ZNF385D: variants seen among roughly 807,000 people sequenced by gnomAD.
The protein encoded by ZNF385D is zinc finger protein 385D.
In ZNF385D, 15 loss-of-function variants were observed where a neutral mutation model predicts 35.8. The ratio of observed to expected loss-of-function variants is 0.42; its 90% CI spans 0.28 to 0.64. The LOEUF is 0.64. ZNF385D is among the 30% of genes least tolerant of loss of function. The probability of loss-of-function intolerance (pLI) is 0.23; values close to 1 mark genes in which losing one functional copy is unlikely to be tolerated. For missense variants in ZNF385D, 474 were observed against 494.6 expected (o/e 0.96, Z 0.39); for synonymous variants, 212 against 186.8 (o/e 1.13, Z -1.10).
chr3:21,896,728 G>A (rs1303071528), intron 3 of ZNF385D, among the ~76,000 whole-genome samples: 1 of 152,126 alleles, frequency 6.6e-6, no homozygotes, highest in African/African-American at 2.4e-5. Flanking sequence ...GGAGTGTCAG[G>A]GGGTGGGAAG....
chr3:21,922,116 C>T (rs1700495300), intron 3 of ZNF385D, among the ~76,000 whole-genome samples: 1 of 151,686 alleles, frequency 6.6e-6, no homozygotes, highest in South Asian at 2.1e-4. Flanking sequence ...GAATACAAAA[C>T]ACTGCTAAAA....
At chr3:21,951,465 C>T (rs1437627746) in intron 3 of ZNF385D, among the ~76,000 whole-genome samples, 2 of 151,600 alleles carry the variant, frequency 1.3e-5, no homozygotes, top group African/African-American at 4.9e-5. Context: ...ATCGGGTATT[C>T]TAAATAAATA....
At chr3:21,812,081 A>C (rs575832411) in intron 3 of ZNF385D, among the ~76,000 whole-genome samples, 3 of 152,210 alleles carry the variant, frequency 2.0e-5, no homozygotes, top group Non-Finnish European at 4.4e-5. Flanking sequence ...ATTTAAGAGG[A>C]AGTTAAGTGC....
At chr3:21,815,220 C>A (rs957809700) in intron 3 of ZNF385D, among the ~76,000 whole-genome samples, 1 of 152,044 alleles carries the variant, frequency 6.6e-6, no homozygotes, top group Non-Finnish European at 1.5e-5. Flanking sequence ...AAAATGCCCA[C>A]AAGAGAAAGC....
chr3:22,046,870 G>A (rs1389238735), intron 3 of ZNF385D, among the ~76,000 whole-genome samples: 1 of 152,014 alleles, frequency 6.6e-6, no homozygotes, highest in Non-Finnish European at 1.5e-5. Flanking sequence ...TTCATCAACT[G>A]TGAAACAAAG....
chr3:22,005,302 A>T (rs1342039093), intron 3 of ZNF385D, among the ~76,000 whole-genome samples: 2 of 151,948 alleles, frequency 1.3e-5, no homozygotes, highest in African/African-American at 4.8e-5. Context: ...TCTGAAAAGG[A>T]TGTAGATTAA....
chr3:22,215,453 G>A lies in ZNF385D; in HGVS notation c.107-46418C>T, dbSNP rs187987254. 1.4e-3 allele frequency among the ~76,000 whole-genome samples: 214 copies of A among 152,056 alleles called. 1 individual carries two copies. Among genetic ancestry groups the A allele is most frequent in the African/African-American group, 4.8e-3 (199 of 41,510 alleles). Reference sequence around the variant, plus strand: ...AGGCCTCTAAAATGGCTGCTTCAGGGGGCGGCCGTCTTTTATGGTCGAGCT... The same window carrying A: ...AGGCCTCTAAAATGGCTGCTTCAGGAGGCGGCCGTCTTTTATGGTCGAGCT... On this transcript the variant is annotated intron_variant, in intron 2 of 5. Transcript: ENST00000494108.
At chr3:21,614,494 T>C (rs370968652) in intron 2 of ZNF385D, among the ~76,000 whole-genome samples, 4 of 152,230 alleles carry the variant, frequency 2.6e-5, no homozygotes, top group African/African-American at 9.6e-5. Flanking sequence ...GTTCCCTTGA[T>C]TGCAGTCACA....
intron 3 of ZNF385D, among the ~76,000 whole-genome samples, chr3:21,841,499 G>A (rs9836784): frequency 0.21 from 32,519 of 151,862 alleles, 3,656 homozygotes; most frequent in Admixed American, 0.26. Context: ...GTTACAAGTC[G>A]TAAGTTTTGC....
intron 3 of ZNF385D, among the ~76,000 whole-genome samples, chr3:22,050,252 C>T (rs1446575089): frequency 6.6e-6 from 1 of 151,376 alleles, no homozygotes; most frequent in Non-Finnish European, 1.5e-5. Flanking sequence ...GCCCCAGCTA[C>T]TCAGGAGGCT....
chr3:21,688,215 C>T (rs1033826693), intron 1 of ZNF385D, among the ~76,000 whole-genome samples: 3 of 151,982 alleles, frequency 2.0e-5, no homozygotes, highest in Non-Finnish European at 2.9e-5. Flanking sequence ...TGCTTGAAAC[C>T]GCCTTTGTTC....
intron 2 of ZNF385D, among the ~76,000 whole-genome samples, chr3:22,245,174 C>T (rs897985787): frequency 2.6e-5 from 4 of 152,072 alleles, no homozygotes; most frequent in African/African-American, 4.8e-5. Context: ...ATTATTAATT[C>T]CAGCAACATT....
At chr3:21,513,659 T>C (rs529208854) in intron 3 of ZNF385D, among the ~76,000 whole-genome samples, 4 of 152,224 alleles carry the variant, frequency 2.6e-5, no homozygotes, top group African/African-American at 9.6e-5. Context: ...TGATTGTAAT[T>C]GTGCAGGGTA....
intron 2 of ZNF385D, among the ~76,000 whole-genome samples, chr3:22,295,272 T>G (rs1179687188): frequency 6.6e-6 from 1 of 152,148 alleles, no homozygotes; most frequent in Non-Finnish European, 1.5e-5. Flanking sequence ...GGACATAATT[T>G]TTGCACAAAA....
At chr3:22,328,090 G>C (rs1277239380) in intron 2 of ZNF385D, among the ~76,000 whole-genome samples, 1 of 151,858 alleles carries the variant, frequency 6.6e-6, no homozygotes, top group Non-Finnish European at 1.5e-5. Context: ...CTTTTTGTCT[G>C]ATGATTTCTG....
chr3:22,123,986 A>ATATATATATATATATATATATATATATG (rs753742081), intron 3 of ZNF385D, among the ~76,000 whole-genome samples: 2 of 122,372 alleles, frequency 1.6e-5, no homozygotes, highest in African/African-American at 3.1e-5. Flanking sequence ...ATATATATAT[A>ATATATATATATATATATATATATATATG]TATTGCTGAC....
chr3:21,522,608 G>T (rs1472549720), intron 3 of ZNF385D, among the ~76,000 whole-genome samples: 1 of 152,134 alleles, frequency 6.6e-6, no homozygotes, highest in Non-Finnish European at 1.5e-5. Context: ...AAAGTGCTAG[G>T]ATTACAGATG....
intron 3 of ZNF385D, among the ~76,000 whole-genome samples, chr3:21,972,006 T>C (rs1255663022): frequency 5.9e-5 from 9 of 151,922 alleles, no homozygotes; most frequent in African/African-American, 1.7e-4. Flanking sequence ...AACACAATAA[T>C]AGTTGGAGAC....
chr3:21,780,543 CA>C (rs1468286253), intron 3 of ZNF385D, among the ~76,000 whole-genome samples: 1 of 152,010 alleles, frequency 6.6e-6, no homozygotes, highest in African/African-American at 2.4e-5. Flanking sequence ...TCTTAATTTT[CA>C]GAGTGAGTTT....
Sources: allele counts gnomAD v4.1 joint callset (sites outside exome capture counted in the v4.1 genomes callset), GRCh38; gene constraint gnomAD v4.1.1; transcripts MANE v1.5; gene names NCBI Gene and HGNC (gene_info 2026-07-23, HGNC 2026-07-21).